IL1RAPL2: variants seen among roughly 807,000 people sequenced by gnomAD.
IL1RAPL2 encodes X-linked interleukin-1 receptor accessory protein-like 2.
Under a neutral mutation model 44.1 loss-of-function variants are expected in IL1RAPL2, and 3 were observed. The ratio of observed to expected loss-of-function variants is 0.07; its 90% CI spans 0.03 to 0.18. The LOEUF (loss-of-function observed/expected upper bound fraction) is 0.18, where lower values mean the gene tolerates loss of function less well. Ranked by LOEUF, IL1RAPL2 falls within the 10% of genes least tolerant of loss-of-function variation. The probability of loss-of-function intolerance (pLI) is 1.00; values close to 1 mark genes in which losing one functional copy is unlikely to be tolerated. For synonymous variants in IL1RAPL2, 181 were observed against 178.8 expected (o/e 1.01, Z -0.10); for missense variants, 391 against 496.4 (o/e 0.79, Z 2.02).
At chrX:104,676,846 C>A (rs1365937590) in intron 2 of IL1RAPL2, among the ~76,000 whole-genome samples, 1 of 111,730 alleles carries the variant, frequency 9.0e-6, no homozygotes, top group African/African-American at 3.3e-5. Context: ...TCATTTCATT[C>A]ATTTTATCTT....
intron 2 of IL1RAPL2, among the ~76,000 whole-genome samples, chrX:104,724,295 G>A (rs966114051): frequency 5.4e-5 from 6 of 110,807 alleles, no homozygotes; most frequent in African/African-American, 2.0e-4. Flanking sequence ...TAAGAGACAC[G>A]CAAATGAAAA....
At chrX:105,332,332 C>T (rs1471304178) in intron 5 of IL1RAPL2, among the ~76,000 whole-genome samples, 1 of 110,062 alleles carries the variant, frequency 9.1e-6, no homozygotes, top group African/African-American at 3.3e-5. Context: ...ATTCTGTGAA[C>T]ATGCATTGCT....
At chrX:105,530,082 T>C (rs1379860047) in intron 6 of IL1RAPL2, among the ~76,000 whole-genome samples, 1 of 112,186 alleles carries the variant, frequency 8.9e-6, no homozygotes, top group African/African-American at 3.2e-5. Context: ...GGTATATACA[T>C]GAAAATGGAA....
At chrX:105,418,527 A>G (rs1168318548) in intron 5 of IL1RAPL2, among the ~76,000 whole-genome samples, 2 of 111,816 alleles carry the variant, frequency 1.8e-5, no homozygotes, top group Non-Finnish European at 3.8e-5. Context: ...AGATTTTGTC[A>G]CTTGAAACAT....
chrX:105,702,290 A>G (rs975948817), intron 6 of IL1RAPL2, among the ~76,000 whole-genome samples: 2 of 111,636 alleles, frequency 1.8e-5, no homozygotes, highest in Non-Finnish European at 1.9e-5. Flanking sequence ...CTTCTCCAGA[A>G]AAAGGAAGTG....
At chrX:105,536,913 AAC>A (rs1233396671) in intron 6 of IL1RAPL2, among the ~76,000 whole-genome samples, 1 of 111,757 alleles carries the variant, frequency 8.9e-6, no homozygotes, top group African/African-American at 3.3e-5. Flanking sequence ...CTATTTTTCT[AAC>A]ACAGTTTTGA....
At chrX:105,090,558 T>C (rs959028716) in intron 2 of IL1RAPL2, among the ~76,000 whole-genome samples, 5 of 112,227 alleles carry the variant, frequency 4.5e-5, no homozygotes, top group Admixed American at 1.9e-4. Context: ...TGTGGGACAC[T>C]TTCCTTAAAA....
At chrX:105,473,652 T>C (rs181269373) in intron 5 of IL1RAPL2, among the ~76,000 whole-genome samples, 2 of 111,987 alleles carry the variant, frequency 1.8e-5, no homozygotes, top group Non-Finnish European at 3.8e-5. Context: ...TTGCAAAACA[T>C]CATGTTAACA....
intron 2 of IL1RAPL2, among the ~76,000 whole-genome samples, chrX:104,692,624 T>C (rs1931110446): frequency 9.1e-6 from 1 of 110,335 alleles, no homozygotes; most frequent in South Asian, 3.9e-4. Flanking sequence ...AATAGTTTGC[T>C]GAGAATGATG....
intron 6 of IL1RAPL2, among the ~76,000 whole-genome samples, chrX:105,678,205 T>C (rs2037889893): frequency 8.9e-6 from 1 of 112,128 alleles, no homozygotes; most frequent in Non-Finnish European, 1.9e-5. Flanking sequence ...GCAATAAACT[T>C]TTTAAAAAAA....
At chrX:104,583,547 A>G (rs1928454388) in intron 1 of IL1RAPL2, among the ~76,000 whole-genome samples, 1 of 112,244 alleles carries the variant, frequency 8.9e-6, no homozygotes, top group Non-Finnish European at 1.9e-5. Context: ...GATGTTTTCA[A>G]AGTGCATCCA....
At chrX:105,270,791 A>G (rs1290514750) in intron 5 of IL1RAPL2, among the ~76,000 whole-genome samples, 1 of 112,023 alleles carries the variant, frequency 8.9e-6, no homozygotes, top group Non-Finnish European at 1.9e-5. Context: ...TAAGGCTAGG[A>G]TTATTTAAAG....
chrX:105,686,280 C>T (rs1266414351), intron 6 of IL1RAPL2, among the ~76,000 whole-genome samples: 1 of 106,109 alleles, frequency 9.4e-6, no homozygotes, highest in African/African-American at 3.5e-5. Context: ...AGAGTCAAGA[C>T]CCATCAGTAT....
At chrX:105,052,204 C>G (rs777748863) in intron 2 of IL1RAPL2, among the ~76,000 whole-genome samples, 1 of 111,750 alleles carries the variant, frequency 8.9e-6, no homozygotes, top group South Asian at 3.8e-4. Flanking sequence ...TCAAAGAGGC[C>G]TTCCTCTAGC....
intron 2 of IL1RAPL2, among the ~76,000 whole-genome samples, chrX:104,944,937 C>T (rs1201609774): frequency 1.8e-5 from 2 of 111,547 alleles, no homozygotes; most frequent in African/African-American, 6.5e-5. Context: ...ATCCTTATTT[C>T]TGTTAACTGT....
chrX:105,732,195 T>C (rs1367559806), intron 7 of IL1RAPL2, among the ~76,000 whole-genome samples: 1 of 111,801 alleles, frequency 8.9e-6, no homozygotes, highest in Non-Finnish European at 1.9e-5. Context: ...CTCCATGCTT[T>C]TTCTGCCTTC....
intron 5 of IL1RAPL2, among the ~76,000 whole-genome samples, chrX:105,347,882 T>C (rs757220786): frequency 2.7e-5 from 3 of 111,522 alleles, no homozygotes; most frequent in Admixed American, 9.6e-5. Context: ...CCAGACAATG[T>C]AAAATGTCCT....
intron 4 of IL1RAPL2, among the ~76,000 whole-genome samples, chrX:105,241,200 T>C: frequency 8.9e-6 from 1 of 111,794 alleles, no homozygotes; most frequent in Non-Finnish European, 1.9e-5. Flanking sequence ...AGACTTAATT[T>C]CGAAATTGGA....
chrX:105,108,761 T>G (rs2032771953), intron 2 of IL1RAPL2, among the ~76,000 whole-genome samples: 2 of 111,822 alleles, frequency 1.8e-5, no homozygotes, highest in South Asian at 3.7e-4. Context: ...CAACATTCTC[T>G]TAACTGAATT....
Sources: allele counts gnomAD v4.1 joint callset (sites outside exome capture counted in the v4.1 genomes callset), GRCh38; gene constraint gnomAD v4.1.1; transcripts MANE v1.5; gene names NCBI Gene and HGNC (gene_info 2026-07-23, HGNC 2026-07-21).